ZNF384: variants seen among roughly 807,000 people sequenced by gnomAD.
The protein encoded by ZNF384 is zinc finger protein 384.
ZNF384 carries 20 observed loss-of-function variants against 65.0 expected under a neutral mutation model. The observed-to-expected ratio is 0.31, with a 90% CI of 0.22 to 0.45. The LOEUF (loss-of-function observed/expected upper bound fraction) is 0.45. Among genes scored for constraint, ZNF384 ranks in the 20% least tolerant of loss-of-function variants. The pLI, the probability that ZNF384 is intolerant of heterozygous loss-of-function variation, is 1.00. For synonymous variants in ZNF384, 310 were observed against 303.9 expected (o/e 1.02, Z -0.21); for missense variants, 549 against 769.4 (o/e 0.71, Z 3.39).
chr12:6,685,646 G>A lies in ZNF384; in HGVS notation c.-6+2521C>T, dbSNP rs1297300843. On this transcript the variant is annotated intron_variant, in intron 2 of 11. Coordinates refer to ENST00000683879, the MANE Select transcript of ZNF384 (RefSeq NM_001385745.1). ...AAATTAGCTGGGCATGGTGGCATGC[G>A]CCTGTAATCCCAACTACTCAGGAGG... 2.6e-5 allele frequency among the ~76,000 whole-genome samples: 4 copies of A among 152,064 alleles called. No individual in the cohort carries two copies. In the South Asian group the frequency reaches 6.3e-4, roughly 24 times the overall value.
Position 6,679,044 on chromosome 12 carries a change from G to A in ZNF384, c.206C>T (p.Thr69Ile). ...GGTCAGCTGGTCTGACTTGGACTCT[G>A]TGTCCATACTGATGCCTGAGGGCAG... Reference protein sequence around the residue: ...VSLPSGISMDTESKSDQLTPH... With the variant: ...VSLPSGISMDIESKSDQLTPH... Residue 69 changes from threonine to isoleucine, a missense_variant, in exon 4 of 12, where the codon ACA becomes ATA. Physicochemically the swap from Thr to Ile is moderately conservative, Grantham distance 89. This residue lies in a region of ZNF384 where 277 missense variants were observed against 337.2 expected (regional missense o/e 0.82). Transcript: ENST00000683879. 1 of 1,614,166 alleles carries A rather than the reference G, an allele frequency of 6.2e-7. No individual in the cohort carries two copies. The highest frequency in any genetic ancestry group is 8.5e-7 in the Non-Finnish European group (1 of 1,180,036).
rs751265233 is a variant in ZNF384 at position 6,678,294 on chromosome 12, G to T, written c.519C>A (p.Thr173=). ...DLSKKVASTL[T]EEGGGGGGGG... ...CACCACCACCTCCGCCTCCTTCCTC[G>T]GTTAGGGTCGATGCTACCTTCTTGG... Residue 173 remains threonine (T), a synonymous_variant, in exon 6 of 12, where the codon ACC becomes ACA. Coordinates refer to ENST00000683879, the MANE Select transcript of ZNF384 (RefSeq NM_001385745.1). This position sits in a 1 kb window ranked among gnomAD's most constrained non-coding sequence, Gnocchi z 4.9. 8.7e-6 allele frequency: 14 copies of T among 1,613,978 alleles called. No individual in the cohort carries two copies. In the Admixed American group the frequency reaches 2.2e-4, roughly 25 times the overall value.
In ZNF384 at chr12:6,677,180, G is replaced by A; in HGVS notation, c.766C>T (p.Leu256=). ...DSVPGSTTNL[L]CDPGCRMCSL... Reference sequence around the variant, plus strand: ...AAAAGGACTTGCCCAGGGTCACACAGCAAATTCGTGGTGGAGCCGGGAACT... The same window carrying A: ...AAAAGGACTTGCCCAGGGTCACACAACAAATTCGTGGTGGAGCCGGGAACT... Residue 256 remains leucine, a synonymous_variant, in exon 7 of 12, where the codon CTG becomes TTG. Transcript: ENST00000683879. 1 of 1,135,976 alleles carries A rather than the reference G, an allele frequency of 8.8e-7. No individual in the cohort carries two copies. Among genetic ancestry groups the A allele is most frequent in the African/African-American group, 1.6e-5 (1 of 63,184 alleles). The allele number at this position is 1,135,976 out of a possible 1,614,324, so 70.4% of individuals were successfully genotyped here.
At chr12:6,688,343 G>C (rs903310738) in intron 1 of ZNF384, 117 bp from the exon 2 acceptor site, 1 of 152,434 alleles carries the variant, frequency 6.6e-6, no homozygotes, top group East Asian at 1.9e-4. Context: ...AGACCCCCCA[G>C]CCAGCAATCC....
chr12:6,675,415 G>C (rs1376207883), intron 7 of ZNF384, among the ~76,000 whole-genome samples: 5 of 152,194 alleles, frequency 3.3e-5, no homozygotes, highest in Non-Finnish European at 7.3e-5. Flanking sequence ...CATGATGCCA[G>C]CCTACTTTAA....
In ZNF384 at chr12:6,678,422, CAAG is replaced by C. The variant is rs1407264802; in HGVS notation, c.388_390del (p.Leu130del). ...GTCTGAGCTGATGATGCTGTGGTCA[CAAG>C]AGAGCCTGAGGGGGACGTGATTACC... On this transcript the variant is annotated inframe_deletion, in exon 6 of 12. Coordinates refer to ENST00000683879, the MANE Select transcript of ZNF384 (RefSeq NM_001385745.1). The surrounding 1 kb of genome is among the most constrained non-coding windows in gnomAD (Gnocchi z 4.9). 1.2e-6 allele frequency: 2 copies of C among 1,602,982 alleles called. No individual in the cohort carries two copies. Among genetic ancestry groups the C allele is most frequent in the Non-Finnish European group, 1.7e-6 (2 of 1,174,556 alleles).
intron 2 of ZNF384, among the ~76,000 whole-genome samples, chr12:6,687,855 G>C (rs977737958): frequency 6.6e-6 from 1 of 152,046 alleles, no homozygotes; most frequent in Non-Finnish European, 1.5e-5. Context: ...TCCCAAAGCA[G>C]AATAAAGATT....
In ZNF384 at chr12:6,678,336, C is replaced by T. The variant is rs1403607818; in HGVS notation, c.477G>A (p.Gln159=). The change falls in exon 6 of 12, where the codon CAG becomes CAA. Residue 159 remains glutamine, a synonymous_variant. Coordinates refer to ENST00000683879, the MANE Select transcript of ZNF384 (RefSeq NM_001385745.1). The surrounding 1 kb of genome is among the most constrained non-coding windows in gnomAD (Gnocchi z 4.9). The part of the protein sequence containing the change: ...SALPPGSQAL[Q]VVPDLSKKVA... ...CCTTCTTGGAGAGGTCAGGGACAAC[C>T]TGCAGGGCTTGTGAGCCAGGGGGAA... 4.3e-6 allele frequency: 7 copies of T among 1,613,980 alleles called. No individual in the cohort carries two copies. Among genetic ancestry groups the T allele is most frequent in the Non-Finnish European group, 5.9e-6 (7 of 1,180,028 alleles).
At chr12:6,670,733 G>A (rs762006520) in intron 10 of ZNF384, 27 bp downstream of exon 10, 31 of 1,605,772 alleles carry the variant, frequency 1.9e-5, no homozygotes, top group African/African-American at 4.0e-5. Context: ...CAGACTCAAG[G>A]TCTTGTGTGG....
Position 6,668,117 on chromosome 12 carries a change from TGAGG to T in ZNF384, c.1426-6_1426-3del. The T allele has an allele frequency of 6.4e-7, 1 of 1,569,366 alleles. No homozygotes were observed. Among genetic ancestry groups the T allele is most frequent in the East Asian group, 2.3e-5 (1 of 44,422 alleles). The stretch of plus-strand genomic sequence containing the variant: ...CATATGTTTCATAAGGTATGTTTCC[TGAGG>T]GAGATGGTAAAAAGAAGTTGAGGGA... On this transcript the variant is annotated splice_region_variant and splice_polypyrimidine_tract_variant and intron_variant, in intron 11 of 11. Transcript: ENST00000683879.
At chr12:6,671,845 G>T (rs985251292) in intron 9 of ZNF384, 1 of 153,540 alleles carries the variant, frequency 6.5e-6, no homozygotes, top group Non-Finnish European at 1.4e-5. Context: ...CATTTAGTAC[G>T]TGTTTTCTTT....
intron 7 of ZNF384, among the ~76,000 whole-genome samples, chr12:6,676,466 T>A (rs1953623110): frequency 6.6e-6 from 1 of 152,238 alleles, no homozygotes; most frequent in Non-Finnish European, 1.5e-5. Context: ...AAAAGCCCCA[T>A]GAGGCTTTCT....
chr12:6,681,119 T>C (rs1243543463), intron 2 of ZNF384, among the ~76,000 whole-genome samples: 1 of 149,964 alleles, frequency 6.7e-6, no homozygotes, highest in African/African-American at 2.5e-5. Context: ...CTTGGGAGGC[T>C]GAGGCAAGAG....
rs1951901916 is a variant in ZNF384, at chr12:6,672,542, A to C, written c.1005-10T>G. 1 of 1,612,998 alleles carries C rather than the reference A, an allele frequency of 6.2e-7. No individual in the cohort carries two copies. The highest frequency in any genetic ancestry group is 8.5e-7 in the Non-Finnish European group (1 of 1,179,416). On this transcript the variant is annotated splice_polypyrimidine_tract_variant and intron_variant, in intron 8 of 11. Transcript: ENST00000683879. The surrounding 1 kb of genome is among the most constrained non-coding windows in gnomAD (Gnocchi z 4.4). ...CATCTTGGAGTGGATCCTGCCGGAG[A>C]GGAGAGGAGGGAAGGGGGGAGGAGG...
At chr12:6,682,187 G>A (rs1484155955) in intron 2 of ZNF384, among the ~76,000 whole-genome samples, 1 of 151,356 alleles carries the variant, frequency 6.6e-6, no homozygotes, top group Non-Finnish European at 1.5e-5. Flanking sequence ...GAGTGCGGTC[G>A]TGCATACCCA....
chr12:6,673,509 C>G lies in ZNF384; in HGVS notation c.780-69G>C, dbSNP rs978178203. ...AGGTGTGGCTGAACCCTCCCCTCTA[C>G]TTCCAAGAGAAGCCCACCTATCTGA... On this transcript the variant is annotated intron_variant, in intron 7 of 11. Coordinates refer to ENST00000683879, the MANE Select transcript of ZNF384 (RefSeq NM_001385745.1). The surrounding 1 kb of genome is among the most constrained non-coding windows in gnomAD (Gnocchi z 4.7). 2.1e-6 allele frequency: 3 copies of G among 1,418,598 alleles called. No homozygotes were observed. Among genetic ancestry groups the G allele is most frequent in the African/African-American group, 2.8e-5 (2 of 70,606 alleles). 87.9% of individuals were successfully genotyped at this position (1,418,598 alleles called of 1,614,324 possible).
rs775724580 is a variant in ZNF384, at chr12:6,678,169, G to C, written c.644C>G (p.Pro215Arg). Residue 215 changes from proline (P) to arginine (R), a missense_variant, in exon 6 of 12, where the codon CCT (proline) becomes CGT (arginine). Transcript: ENST00000683879. The surrounding 1 kb of genome is among the most constrained non-coding windows in gnomAD (Gnocchi z 4.9). ...TTTCTGATGGTCATCATCATCCTCA[G>C]GGGAGAGGACATAAGGGTCATTCAT... ...PEMNDPYVLSPEDDDDHQKDG... is the reference protein window; with the variant it reads ...PEMNDPYVLSREDDDDHQKDG... 1 of 1,614,070 alleles carries C rather than the reference G, an allele frequency of 6.2e-7. No individual in the cohort carries two copies. Among genetic ancestry groups the C allele is most frequent in the East Asian group, 2.2e-5 (1 of 44,884 alleles).
chr12:6,688,305 T>C (rs1470633593), intron 1 of ZNF384, 79 bp from the exon 2 acceptor site: 1 of 152,544 alleles, frequency 6.6e-6, no homozygotes, highest in Non-Finnish European at 1.5e-5. Flanking sequence ...CAGGAATTAT[T>C]TGTCAGCAGT....
intron 2 of ZNF384, among the ~76,000 whole-genome samples, chr12:6,683,971 C>T (rs1033596720): frequency 2.0e-5 from 3 of 151,944 alleles, no homozygotes; most frequent in African/African-American, 7.3e-5. Flanking sequence ...GTGCCAAGAT[C>T]GCACCACTGC....
Sources: gnomAD v4.1 joint callset for allele counts (sites outside exome capture counted in the v4.1 genomes callset) on GRCh38, gnomAD v4.1.1 for gene constraint, gnomAD v4.1.1 regional missense constraint, Gnocchi (gnomAD v3.1) non-coding constraint, MANE v1.5 for transcripts, NCBI Gene and HGNC (gene_info 2026-07-23, HGNC 2026-07-21) for gene names.